Variants in SLC25A37 observed in about 807,000 individuals in gnomAD.
SLC25A37 encodes mitoferrin-1.
SLC25A37 carries 17 observed loss-of-function variants against 31.0 expected under a neutral mutation model. The observed-to-expected ratio is 0.55, with a 90% confidence interval of 0.38 to 0.82. SLC25A37 has a LOEUF of 0.82. Among genes scored for constraint, SLC25A37 ranks in the 40% least tolerant of loss-of-function variants. The pLI is 0.00. For missense variants in SLC25A37, 404 were observed against 465.8 expected, an observed-to-expected ratio of 0.87 and a Z score of 1.22; for synonymous variants, 222 against 193.0, an observed-to-expected ratio of 1.15 and a Z score of -1.24.
intron 1 of SLC25A37, among the ~76,000 whole-genome samples, chr8:23,543,970 C>T (rs1801969604): frequency 6.6e-6 from 1 of 152,120 alleles, no homozygotes; most frequent in Non-Finnish European, 1.5e-5. Flanking sequence ...AAGCAATTCT[C>T]CTGCCTCAGC....
chr8:23,552,133 T>G (rs1802243978), intron 1 of SLC25A37, among the ~76,000 whole-genome samples: 1 of 152,204 alleles, frequency 6.6e-6, no homozygotes, highest in Non-Finnish European at 1.5e-5. Flanking sequence ...AAGATTAAGC[T>G]AGTTCTGTGG....
At chr8:23,543,794 C>T (rs1801963102) in intron 1 of SLC25A37, among the ~76,000 whole-genome samples, 2 of 152,062 alleles carry the variant, frequency 1.3e-5, no homozygotes, top group South Asian at 4.1e-4. Flanking sequence ...CCTCGGCCTC[C>T]CAAGATGCTG....
chr8:23,533,008 C>G (rs1801692051), intron 1 of SLC25A37, among the ~76,000 whole-genome samples: 2 of 152,228 alleles, frequency 1.3e-5, no homozygotes, highest in Admixed American at 1.3e-4. Flanking sequence ...TGATTTTTCT[C>G]TCTCCCTTCT....
At chr8:23,557,576 G>A (rs1802402125) in intron 1 of SLC25A37, among the ~76,000 whole-genome samples, 1 of 152,152 alleles carries the variant, frequency 6.6e-6, no homozygotes, top group Admixed American at 6.6e-5. Flanking sequence ...GATCCTTTCT[G>A]GACAATTGTG....
chr8:23,551,610 G>A (rs1802227985), intron 1 of SLC25A37, among the ~76,000 whole-genome samples: 1 of 151,750 alleles, frequency 6.6e-6, no homozygotes, highest in African/African-American at 2.4e-5. Context: ...AATAAAAGCA[G>A]CAGGCAGCTG....
intron 1 of SLC25A37, among the ~76,000 whole-genome samples, chr8:23,557,631 CCCCAGTGAAG>C (rs755022163): frequency 6.6e-6 from 1 of 152,086 alleles, no homozygotes; most frequent in Admixed American, 6.5e-5. Context: ...CCTCAGCAGA[CCCCAGTGAAG>C]CAGGAGCATA....
At chr8:23,549,969 G>C (rs980827089) in intron 1 of SLC25A37, among the ~76,000 whole-genome samples, 1 of 137,692 alleles carries the variant, frequency 7.3e-6, no homozygotes, top group Admixed American at 7.0e-5. Flanking sequence ...ATCCCCTGAG[G>C]TCGGGAGTTT....
At chr8:23,534,654 G>T (rs1052475320) in intron 1 of SLC25A37, among the ~76,000 whole-genome samples, 1 of 152,224 alleles carries the variant, frequency 6.6e-6, no homozygotes, top group South Asian at 2.1e-4. Flanking sequence ...TCCCTGGACC[G>T]GGTCCCATTT....
At chr8:23,547,103 T>C (rs1003863106) in intron 1 of SLC25A37, among the ~76,000 whole-genome samples, 11 of 152,188 alleles carry the variant, frequency 7.2e-5, no homozygotes, top group Admixed American at 7.2e-4. Flanking sequence ...ATAAGGAAGT[T>C]TCTGAAATTC....
intron 1 of SLC25A37, among the ~76,000 whole-genome samples, chr8:23,530,893 G>A (rs760437724): frequency 4.6e-5 from 7 of 152,122 alleles, no homozygotes; most frequent in Non-Finnish European, 7.4e-5. Flanking sequence ...CTCAAGAGGC[G>A]TTTCTCACAC....
intron 1 of SLC25A37, among the ~76,000 whole-genome samples, chr8:23,557,977 C>A (rs1021473890): frequency 6.6e-6 from 1 of 152,092 alleles, no homozygotes; most frequent in Non-Finnish European, 1.5e-5. Flanking sequence ...AGCCCTGGGC[C>A]CCCCTGGAGT....
Position 23,566,156 on chromosome 8 carries a change from A to T in SLC25A37, c.259A>T (p.Ile87Phe). ...SPDPKAQYTS[I>F]YGALKKIMRT... Reference sequence around the variant, plus strand: ...AGATCCCAAAGCCCAGTACACAAGTATCTACGGAGCCCTCAAGAAAATCAT... The same window carrying T: ...AGATCCCAAAGCCCAGTACACAAGTTTCTACGGAGCCCTCAAGAAAATCAT... The change falls in exon 2 of 4, where the codon ATC becomes TTC. Residue 87 changes from isoleucine (I) to phenylalanine (F), a missense_variant. Physicochemically the swap from Ile to Phe is conservative, Grantham distance 21. This residue lies in a region of SLC25A37 where 154 missense variants were observed against 153.6 expected (regional missense o/e 1.00). Transcript: ENST00000519973. 1 of 1,603,364 alleles carries T rather than the reference A, an allele frequency of 6.2e-7. No homozygotes were observed.
At chr8:23,569,595 C>T (rs534748587) in intron 3 of SLC25A37, among the ~76,000 whole-genome samples, 58 of 152,332 alleles carry the variant, frequency 3.8e-4, no homozygotes, top group African/African-American at 1.0e-3. Flanking sequence ...TACGATGTAC[C>T]GCAGTGTGTC....
chr8:23,533,272 C>G (rs1801697475), intron 1 of SLC25A37, among the ~76,000 whole-genome samples: 1 of 152,078 alleles, frequency 6.6e-6, no homozygotes, highest in African/African-American at 2.4e-5. Flanking sequence ...GGTTTGGAGG[C>G]GCGTGCCCAA....
intron 1 of SLC25A37, among the ~76,000 whole-genome samples, chr8:23,565,052 T>C (rs538063218): frequency 6.6e-6 from 1 of 152,350 alleles, no homozygotes; most frequent in East Asian, 1.9e-4. Context: ...GAGCTGATGT[T>C]ACAGTTTGAG....
At chr8:23,538,571 A>G (rs17698956) in intron 1 of SLC25A37, among the ~76,000 whole-genome samples, 21,305 of 150,518 alleles carry the variant, frequency 0.14, 1,930 homozygotes, top group Admixed American at 0.25. Context: ...AGAACCCAGC[A>G]AGCAGCAGCT....
At position 23,531,330 on chromosome 8, in the gene SLC25A37, G is replaced by A. The variant is rs191525634; in HGVS notation, c.210+2118G>A. Among the ~76,000 whole-genome samples, 81 of 152,286 alleles carry A rather than the reference G, an allele frequency of 5.3e-4. No homozygotes were observed. The East Asian group carries it at 0.01, about 19-fold the overall frequency. ...AGTATTTTGGATGATGGCGAAGACC[G>A]GGAGTAACTGAGTCAAGAAACCCGG... On this transcript the variant is annotated intron_variant, in intron 1 of 3. Coordinates refer to ENST00000519973, the MANE Select transcript of SLC25A37 (RefSeq NM_016612.4).
chr8:23,532,425 A>T (rs79953058), intron 1 of SLC25A37, among the ~76,000 whole-genome samples: 3 of 152,146 alleles, frequency 2.0e-5, no homozygotes, highest in African/African-American at 7.2e-5. Flanking sequence ...CAGAGTGGCA[A>T]GGGGCACTTG....
chr8:23,553,983 C>T (rs970308617), intron 1 of SLC25A37, among the ~76,000 whole-genome samples: 1 of 152,182 alleles, frequency 6.6e-6, no homozygotes, highest in Non-Finnish European at 1.5e-5. Flanking sequence ...GTTGTAGAAA[C>T]AGAGCATATT....
Sources: allele counts gnomAD v4.1 joint callset (sites outside exome capture counted in the v4.1 genomes callset), GRCh38; gene constraint gnomAD v4.1.1; regional missense constraint gnomAD v4.1.1; transcripts MANE v1.5; gene names NCBI Gene and HGNC (gene_info 2026-07-23, HGNC 2026-07-21).